HIRA: variants seen among roughly 807,000 people sequenced by gnomAD.
HIRA encodes the protein histone cell cycle regulator, also known as protein HIRA.
In HIRA, 13 loss-of-function variants were observed where a neutral mutation model predicts 126.6. The observed-to-expected ratio is 0.10, with a 90% CI of 0.07 to 0.16. HIRA has a LOEUF of 0.16. Among genes scored for constraint, HIRA ranks in the 10% least tolerant of loss-of-function variants. HIRA has a pLI of 1.00. For missense variants in HIRA, 834 were observed against 1,314.4 expected, an observed-to-expected ratio of 0.63 and a Z score of 5.65; for synonymous variants, 511 against 520.0, an observed-to-expected ratio of 0.98 and a Z score of 0.24.
chr22:19,430,682 A>C (rs543590302), intron 1 of HIRA, among the ~76,000 whole-genome samples: 131 of 152,114 alleles, frequency 8.6e-4, no homozygotes, highest in African/African-American at 2.1e-3. Context: ...CGGGGAGCAA[A>C]CACCAACTCC....
At position 19,405,831 on chromosome 22, in the gene HIRA, C is replaced by G. The variant is rs1463800504; in HGVS notation, c.352G>C (p.Val118Leu). Residue 118 changes from valine to leucine, a missense_variant, in exon 5 of 25, where the codon GTG (valine) becomes CTG (leucine). Transcript: ENST00000263208. ...VFGSSGKLAN[V>L]EQWRCVSILR... is the part of the protein sequence containing the mutation. ...ATAGAGACACACCGCCACTGCTCCA[C>G]ATTGGCAAGCTTACCACTGGAGCCG... 6.6e-7 allele frequency: 1 copy of G among 1,512,474 alleles called. No homozygotes were observed. The highest frequency in any genetic ancestry group is 1.3e-5 in the South Asian group (1 of 77,582). 93.7% of individuals were successfully genotyped at this position (1,512,474 alleles called of 1,614,324 possible). A position where few individuals can be genotyped will look rare whatever the true frequency, so the allele number is the denominator to read the frequency against.
At chr22:19,399,020 A>G (rs2146233043) in intron 5 of HIRA, 7 of 597,144 alleles carry the variant, frequency 1.2e-5, no homozygotes, top group Middle Eastern at 8.7e-4. Context: ...ACCTATCCTC[A>G]TAGGGTCACT....
chr22:19,370,265 T>C (rs976079689), intron 15 of HIRA, among the ~76,000 whole-genome samples: 2 of 152,116 alleles, frequency 1.3e-5, no homozygotes, highest in Non-Finnish European at 2.9e-5. Flanking sequence ...TATTCTTGTT[T>C]TGAGACAGGG....
chr22:19,376,398 C>G lies in HIRA; in HGVS notation c.1614-606G>C, dbSNP rs143424895. ...CTGGTCCATCCTTCATGTCCAAGCCCACACCACACGCTTTGGGACCATGGC... is the reference window on the plus strand; with the variant it reads ...CTGGTCCATCCTTCATGTCCAAGCCGACACCACACGCTTTGGGACCATGGC... On this transcript the variant is annotated intron_variant, in intron 14 of 24. Transcript: ENST00000263208. Among the ~76,000 whole-genome samples the G allele has an allele frequency of 3.4e-3, 523 of 152,288 alleles. 1 individual carries two copies. The highest frequency in any genetic ancestry group is 6.0e-3 in the Non-Finnish European group (406 of 68,030).
rs2089496089 is a variant in HIRA, at chr22:19,427,309, CA to C, written c.37+4130del. 4.6e-5 allele frequency among the ~76,000 whole-genome samples: 7 copies of C among 152,328 alleles called. No individual in the cohort carries two copies. The South Asian group carries it at 1.5e-3, about 32-fold the overall frequency. ...TGCCATGTTTATCTCTCAACCACTG[CA>C]ATCATATAACCTCACCATTAGGATC... is the stretch of plus-strand genomic sequence containing the variant. On this transcript the variant is annotated intron_variant, in intron 1 of 24. Transcript: ENST00000263208.
At chr22:19,378,209 G>A (rs2089037322) in intron 13 of HIRA, 143 bp from the exon 14 acceptor site, 5 of 538,986 alleles carry the variant, frequency 9.3e-6, no homozygotes, top group Non-Finnish European at 1.5e-5. Flanking sequence ...AAAGTAAAAA[G>A]AAAATTAAAG....
intron 5 of HIRA, among the ~76,000 whole-genome samples, chr22:19,405,139 T>C (rs2089298235): frequency 6.6e-6 from 1 of 152,184 alleles, no homozygotes; most frequent in African/African-American, 2.4e-5. Context: ...GATCCAGCCA[T>C]GGTGAAATGC....
intron 14 of HIRA, among the ~76,000 whole-genome samples, chr22:19,376,465 A>T (rs1569300169): frequency 1.3e-5 from 2 of 151,246 alleles, no homozygotes; most frequent in Non-Finnish European, 3.0e-5. Flanking sequence ...AACACCTTCC[A>T]CTCCTATCTG....
chr22:19,419,195 TCTC>T (rs1157657990), intron 1 of HIRA, among the ~76,000 whole-genome samples: 1 of 152,092 alleles, frequency 6.6e-6, no homozygotes, highest in East Asian at 1.9e-4. Flanking sequence ...ACCCTGATCT[TCTC>T]TATAACGGTC....
rs1440227300 is a variant in HIRA, at chr22:19,351,740, A to G, written c.2849-294T>C. Reference sequence around the variant, plus strand: ...CGAGATATGGCCAGTTCTGTGATAAACTCCTTAAGGTGATGGGAAGATATG... The same window carrying G: ...CGAGATATGGCCAGTTCTGTGATAAGCTCCTTAAGGTGATGGGAAGATATG... On this transcript the variant is annotated intron_variant, in intron 23 of 24. Coordinates refer to ENST00000263208, the MANE Select transcript of HIRA (RefSeq NM_003325.4). This position sits in a 1 kb window ranked among gnomAD's most constrained non-coding sequence, Gnocchi z 4.8. 1.3e-5 allele frequency among the ~76,000 whole-genome samples: 2 copies of G among 151,912 alleles called. No individual in the cohort carries two copies. Among genetic ancestry groups the G allele is most frequent in the African/African-American group, 4.8e-5 (2 of 41,312 alleles).
intron 4 of HIRA, among the ~76,000 whole-genome samples, chr22:19,406,694 T>C (rs1035997086): frequency 6.6e-6 from 1 of 152,202 alleles, no homozygotes; most frequent in African/African-American, 2.4e-5. Flanking sequence ...CCAGACTGAC[T>C]GGCCCAGAGA....
chr22:19,344,118 T>C (rs1451977804), intron 24 of HIRA, among the ~76,000 whole-genome samples: 3 of 151,934 alleles, frequency 2.0e-5, no homozygotes, highest in Non-Finnish European at 2.9e-5. Flanking sequence ...AATCTAACAT[T>C]ACACCTTAAG....
At position 19,371,679 on chromosome 22, in the gene HIRA, T is replaced by C. The variant is rs981577690; in HGVS notation, c.1775+3952A>G. ...AACCACTGTTACTCTACTTTCTTTA[T>C]GGATTTTCCATTCTGGACATTTCCT... On this transcript the variant is annotated intron_variant, in intron 15 of 24. Coordinates refer to ENST00000263208, the MANE Select transcript of HIRA (RefSeq NM_003325.4). Among the ~76,000 whole-genome samples the C allele has an allele frequency of 9.2e-5, 14 of 152,370 alleles. No homozygotes were observed. In the South Asian group the frequency reaches 2.3e-3, roughly 25 times the overall value.
At chr22:19,393,702 A>T (rs1220573483) in intron 8 of HIRA, among the ~76,000 whole-genome samples, 1 of 152,122 alleles carries the variant, frequency 6.6e-6, no homozygotes, top group African/African-American at 2.4e-5. Flanking sequence ...GTCTATTTTC[A>T]TCAGGGTCTT....
At chr22:19,372,452 A>G (rs577480069) in intron 15 of HIRA, among the ~76,000 whole-genome samples, 2 of 152,232 alleles carry the variant, frequency 1.3e-5, no homozygotes, top group East Asian at 1.9e-4. Context: ...TTGAATTGTA[A>G]AAGTTATTTA....
chr22:19,392,953 A>C (rs2089194469), intron 8 of HIRA, among the ~76,000 whole-genome samples: 1 of 152,176 alleles, frequency 6.6e-6, no homozygotes. Flanking sequence ...GGGCAGAAGA[A>C]GGAGGGTTCC....
chr22:19,427,026 TAC>T (rs938415169), intron 1 of HIRA, among the ~76,000 whole-genome samples: 1 of 152,220 alleles, frequency 6.6e-6, no homozygotes, highest in Non-Finnish European at 1.5e-5. Context: ...TCAAGAAACT[TAC>T]AGTCTAGTCG....
intron 3 of HIRA, among the ~76,000 whole-genome samples, chr22:19,407,596 C>T (rs372370605): frequency 5.3e-5 from 8 of 152,156 alleles, no homozygotes; most frequent in African/African-American, 1.9e-4. Flanking sequence ...TCAAAAGGGT[C>T]ATCTATTAAT....
chr22:19,382,851 T>G (rs1001929363), intron 13 of HIRA, among the ~76,000 whole-genome samples: 1 of 151,442 alleles, frequency 6.6e-6, no homozygotes, highest in African/African-American at 2.4e-5. Context: ...CTATATACAC[T>G]GGGACAACAG....
Sources: allele counts gnomAD v4.1 joint callset (sites outside exome capture counted in the v4.1 genomes callset), GRCh38; gene constraint gnomAD v4.1.1; non-coding constraint Gnocchi (gnomAD v3.1); transcripts MANE v1.5; gene names NCBI Gene and HGNC (gene_info 2026-07-23, HGNC 2026-07-21).